The following PRIM2 variants were observed in gnomAD, a reference collection of about 807,000 sequenced individuals.
The protein encoded by PRIM2 is DNA primase large subunit.
PRIM2 carries 39 observed loss-of-function variants against 67.3 expected under a neutral mutation model. That is an observed-to-expected ratio of 0.58 (90% CI 0.45 to 0.76). PRIM2 has a LOEUF of 0.76. Ranked by LOEUF, PRIM2 falls within the 30% of genes least tolerant of loss-of-function variation. The probability of loss-of-function intolerance (pLI) is 0.00; values close to 1 mark genes in which losing one functional copy is unlikely to be tolerated. For missense variants in PRIM2, 398 were observed against 598.7 expected, an observed-to-expected ratio of 0.66 and a Z score of 3.50; for synonymous variants, 143 against 198.7, an observed-to-expected ratio of 0.72 and a Z score of 2.36.
chr6:57,328,254 T>C lies in PRIM2; in HGVS notation c.459+2209T>C, dbSNP rs371699559. Among the ~76,000 whole-genome samples, 14 of 152,348 alleles carry C rather than the reference T, an allele frequency of 9.2e-5. No homozygotes were observed. The South Asian group carries it at 1.0e-3, about 11-fold the overall frequency. On this transcript the variant is annotated intron_variant, in intron 5 of 13. Transcript: ENST00000615550. Reference sequence around the variant, plus strand: ...CTTTTACAATGTATAATTCATTGGTTTTTAGTGTAATTACAGATTGTGCAA... The same window carrying C: ...CTTTTACAATGTATAATTCATTGGTCTTTAGTGTAATTACAGATTGTGCAA...
chr6:57,465,515 C>G (rs1331104768), intron 7 of PRIM2, among the ~76,000 whole-genome samples: 4 of 152,134 alleles, frequency 2.6e-5, no homozygotes, highest in African/African-American at 4.8e-5. Context: ...GACTTTGTCG[C>G]AGATCTGGAT....
rs1347284680 is a variant in PRIM2, at chr6:57,539,281, T to G, written c.1020+1656T>G. Among the ~76,000 whole-genome samples the G allele has an allele frequency of 5.3e-5, 8 of 152,306 alleles. No homozygotes were observed. The South Asian group carries it at 1.7e-3, about 32-fold the overall frequency. ...AATTACTGTCAACATTGAAGCCTTT[T>G]ACTCTAGTCTACAGAACTAAACACC... On this transcript the variant is annotated intron_variant, in intron 10 of 13. Transcript: ENST00000615550.
intron 10 of PRIM2, among the ~76,000 whole-genome samples, chr6:57,598,347 C>T (rs1393790023): frequency 2.0e-5 from 3 of 152,066 alleles, no homozygotes; most frequent in African/African-American, 7.2e-5. Flanking sequence ...AGTCATTTGC[C>T]ATACTCTAAA....
At chr6:57,490,230 T>G (rs1287834387) in intron 7 of PRIM2, among the ~76,000 whole-genome samples, 1 of 152,172 alleles carries the variant, frequency 6.6e-6, no homozygotes, top group Non-Finnish European at 1.5e-5. Flanking sequence ...CTTTAAAGGA[T>G]TTACATTTTA....
intron 7 of PRIM2, among the ~76,000 whole-genome samples, chr6:57,457,646 T>C (rs71221654): frequency 6.6e-6 from 1 of 152,044 alleles, no homozygotes; most frequent in Admixed American, 6.5e-5. Context: ...AAGTGCAGTA[T>C]TGGGGTGGGA....
chr6:57,339,709 G>A (rs1375533490), intron 5 of PRIM2, among the ~76,000 whole-genome samples: 1 of 152,146 alleles, frequency 6.6e-6, no homozygotes, highest in Non-Finnish European at 1.5e-5. Context: ...ATCAATTCAA[G>A]ATAGATTAAA....
At chr6:57,243,869 A>C in the PRIM2 span, among the ~76,000 whole-genome samples, 1 of 152,122 alleles carries the variant, frequency 6.6e-6, no homozygotes, top group Non-Finnish European at 1.5e-5. Flanking sequence ...GTAGCTTCTG[A>C]CTTCTATGTA....
the PRIM2 span, among the ~76,000 whole-genome samples, chr6:57,233,316 T>C: frequency 6.6e-6 from 1 of 152,180 alleles, no homozygotes; most frequent in Admixed American, 6.5e-5. Flanking sequence ...ATACATTGAG[T>C]GCTGTAATTT....
chr6:57,505,073 C>G (rs1283081158), intron 7 of PRIM2: 1 of 152,116 alleles, frequency 6.6e-6, no homozygotes, highest in Non-Finnish European at 1.5e-5. Context: ...GCCAACAGTT[C>G]CTAAAATGAA....
the PRIM2 span, among the ~76,000 whole-genome samples, chr6:57,275,451 T>C: frequency 3.3e-5 from 5 of 152,202 alleles, no homozygotes; most frequent in African/African-American, 1.2e-4. Context: ...ATCGTGCCAT[T>C]GCACTCCAGC....
At chr6:57,451,644 G>A (rs1318836700) in intron 7 of PRIM2, among the ~76,000 whole-genome samples, 1 of 152,250 alleles carries the variant, frequency 6.6e-6, no homozygotes, top group East Asian at 1.9e-4. Context: ...AGCTGTAGCA[G>A]TGAAGGCAGT....
At chr6:57,554,810 G>C (rs1209594738) in intron 10 of PRIM2, among the ~76,000 whole-genome samples, 6 of 152,120 alleles carry the variant, frequency 3.9e-5, no homozygotes, top group African/African-American at 1.4e-4. Context: ...TCTTGCTGTT[G>C]TCGTAAAGAC....
In PRIM2 at chr6:57,394,905, A is replaced by G. The variant is rs569358623; in HGVS notation, c.693+12737A>G. Among the ~76,000 whole-genome samples the G allele has an allele frequency of 5.9e-5, 9 of 152,296 alleles. No individual in the cohort carries two copies. In the East Asian group the frequency reaches 1.3e-3, roughly 23 times the overall value. On this transcript the variant is annotated intron_variant, in intron 7 of 13. Coordinates refer to ENST00000615550, the MANE Select transcript of PRIM2 (RefSeq NM_000947.5). Reference sequence around the variant, plus strand: ...GAATTTTGTGGAATGCCTTTTCTGCATCTATTGAGATGATCATGTGATTTT... The same window carrying G: ...GAATTTTGTGGAATGCCTTTTCTGCGTCTATTGAGATGATCATGTGATTTT...
At chr6:57,397,896 ATTT>A (rs35064816) in intron 7 of PRIM2, among the ~76,000 whole-genome samples, 1 of 118,790 alleles carries the variant, frequency 8.4e-6, no homozygotes, top group Non-Finnish European at 1.7e-5. Context: ...GATCTTTCTA[ATTT>A]TTTTTTTTTT....
intron 7 of PRIM2, among the ~76,000 whole-genome samples, chr6:57,434,320 T>C (rs1484726280): frequency 6.6e-6 from 1 of 152,122 alleles, no homozygotes; most frequent in Admixed American, 6.5e-5. Flanking sequence ...CCTTGCATGG[T>C]TATACTGATA....
At chr6:57,257,593 CT>C in the PRIM2 span, among the ~76,000 whole-genome samples, 1 of 152,114 alleles carries the variant, frequency 6.6e-6, no homozygotes, top group Non-Finnish European at 1.5e-5. Context: ...TAAGGCACAA[CT>C]TTAATGGAAT....
intron 8 of PRIM2, among the ~76,000 whole-genome samples, chr6:57,518,891 CG>C (rs1352199959): frequency 4.6e-4 from 70 of 152,204 alleles, no homozygotes; most frequent in African/African-American, 4.6e-4. Flanking sequence ...GACTTATTAT[CG>C]GGGAACCTGC....
chr6:57,240,831 G>A, the PRIM2 span, among the ~76,000 whole-genome samples: 1 of 152,132 alleles, frequency 6.6e-6, no homozygotes, highest in Non-Finnish European at 1.5e-5. Context: ...GCTCACACCT[G>A]TAATCTCAAC....
chr6:57,454,181 T>C (rs1258451034), intron 7 of PRIM2, among the ~76,000 whole-genome samples: 76 of 152,262 alleles, frequency 5.0e-4, no homozygotes, highest in African/African-American at 1.8e-3. Context: ...CTGCTGGATT[T>C]GGTTTGCCAG....
Sources: allele counts gnomAD v4.1 joint callset (sites outside exome capture counted in the v4.1 genomes callset), GRCh38; gene constraint gnomAD v4.1.1; transcripts MANE v1.5; gene names NCBI Gene and HGNC (gene_info 2026-07-23, HGNC 2026-07-21).